The following DLG2 variants were observed in gnomAD, a reference collection of about 807,000 sequenced individuals.
DLG2 encodes disks large homolog 2.
In DLG2, 45 loss-of-function variants were observed where a neutral mutation model predicts 132.5. That is an observed-to-expected ratio of 0.34 (90% CI 0.27 to 0.44). The LOEUF (loss-of-function observed/expected upper bound fraction) is 0.44, where lower values mean the gene tolerates loss of function less well. DLG2 is among the 20% of genes least tolerant of loss of function. The probability of loss-of-function intolerance (pLI) is 1.00; values close to 1 mark genes in which losing one functional copy is unlikely to be tolerated. For synonymous variants in DLG2, 424 were observed against 419.6 expected (o/e 1.01, Z -0.13); for missense variants, 1,045 against 1,196.9 (o/e 0.87, Z 1.87).
chr11:85,324,122 T>C (rs2081274243), intron 3 of DLG2, among the ~76,000 whole-genome samples: 1 of 152,098 alleles, frequency 6.6e-6, no homozygotes, highest in Non-Finnish European at 1.5e-5. Flanking sequence ...GGTCACACAG[T>C]CTGAAATGAC....
chr11:85,372,120 T>C (rs566964133), intron 3 of DLG2, among the ~76,000 whole-genome samples: 73 of 152,336 alleles, frequency 4.8e-4, no homozygotes, highest in African/African-American at 1.8e-3. Context: ...CAGCTGTAGC[T>C]CCGAAAGAAC....
intron 6 of DLG2, among the ~76,000 whole-genome samples, chr11:84,998,815 TATC>T (rs2057936655): frequency 6.6e-6 from 1 of 152,096 alleles, no homozygotes; most frequent in African/African-American, 2.4e-5. Context: ...TGGCCTCAAG[TATC>T]ATGCCTATGA....
chr11:83,954,457 T>C (rs2086291886), intron 14 of DLG2, among the ~76,000 whole-genome samples: 1 of 152,212 alleles, frequency 6.6e-6, no homozygotes, highest in Admixed American at 6.5e-5. Context: ...CTCACTAGTT[T>C]TGTCTCACTC....
At position 84,644,561 on chromosome 11, in the gene DLG2, C is replaced by T. The variant is rs572342112; in HGVS notation, c.358-109830G>A. ...CTCTACTAAAAATACAAAAAATTAG[C>T]CGGGCGTGGTGGCGGGCACCTGTAA... On this transcript the variant is annotated intron_variant, in intron 6 of 27. Coordinates refer to ENST00000376104, the MANE Select transcript of DLG2 (RefSeq NM_001142699.3). 7.2e-5 allele frequency among the ~76,000 whole-genome samples: 11 copies of T among 152,010 alleles called. 1 individual carries two copies. The South Asian group carries it at 2.1e-3, about 29-fold the overall frequency.
intron 16 of DLG2, among the ~76,000 whole-genome samples, chr11:83,855,056 T>C (rs2060315909): frequency 6.6e-6 from 1 of 151,868 alleles, no homozygotes; most frequent in African/African-American, 2.4e-5. Context: ...AGATGACAAA[T>C]AAGCACATGA....
intron 16 of DLG2, among the ~76,000 whole-genome samples, chr11:83,862,650 T>G (rs1025462371): frequency 6.6e-6 from 1 of 151,966 alleles, no homozygotes; most frequent in Admixed American, 6.6e-5. Flanking sequence ...AGGTGATAGA[T>G]ACTCCCCCAC....
intron 6 of DLG2, among the ~76,000 whole-genome samples, chr11:84,636,848 T>G (rs2099641384): frequency 6.6e-6 from 1 of 152,080 alleles, no homozygotes; most frequent in Non-Finnish European, 1.5e-5. Context: ...GTGGCACGAT[T>G]TTGGCACACC....
intron 18 of DLG2, among the ~76,000 whole-genome samples, chr11:83,707,438 G>C (rs1269548070): frequency 3.3e-5 from 5 of 152,224 alleles, no homozygotes; most frequent in Non-Finnish European, 7.3e-5. Context: ...GGGAGGCCGA[G>C]GGGGGCAGAT....
chr11:83,674,765 T>C (rs535467588), intron 18 of DLG2, among the ~76,000 whole-genome samples: 9 of 152,330 alleles, frequency 5.9e-5, no homozygotes, highest in African/African-American at 2.2e-4. Flanking sequence ...TACTCATGCC[T>C]GGATGCAGGT....
At chr11:83,619,813 A>T (rs1293481343) in intron 19 of DLG2, among the ~76,000 whole-genome samples, 1 of 152,050 alleles carries the variant, frequency 6.6e-6, no homozygotes, top group Non-Finnish European at 1.5e-5. Context: ...ACTCATCTGG[A>T]TTTACAGCAA....
At chr11:84,547,336 CAT>C (rs1403763914) in intron 6 of DLG2, among the ~76,000 whole-genome samples, 2 of 152,180 alleles carry the variant, frequency 1.3e-5, no homozygotes, top group Admixed American at 6.5e-5. Flanking sequence ...CTCCATAACA[CAT>C]AGACAGTTTA....
chr11:85,103,723 G>C (rs1208976431), intron 6 of DLG2, among the ~76,000 whole-genome samples: 1 of 151,740 alleles, frequency 6.6e-6, no homozygotes, highest in African/African-American at 2.4e-5. Flanking sequence ...AGATAAATTA[G>C]ACTTTATCAA....
intron 6 of DLG2, among the ~76,000 whole-genome samples, chr11:84,591,449 T>C (rs2099543127): frequency 6.6e-6 from 1 of 151,768 alleles, no homozygotes; most frequent in Admixed American, 6.6e-5. Flanking sequence ...AGAGGATCAC[T>C]TGGGGTCAGG....
At chr11:83,582,852 AT>A (rs2097006568) in intron 19 of DLG2, among the ~76,000 whole-genome samples, 1 of 152,222 alleles carries the variant, frequency 6.6e-6, no homozygotes, top group Admixed American at 6.5e-5. Context: ...TAGCTTAGAG[AT>A]TGGCACAGAG....
chr11:83,645,346 T>G (rs1279709241), intron 18 of DLG2, among the ~76,000 whole-genome samples: 1 of 152,122 alleles, frequency 6.6e-6, no homozygotes, highest in Non-Finnish European at 1.5e-5. Context: ...AGATACATCT[T>G]TAACAGTTGA....
intron 6 of DLG2, among the ~76,000 whole-genome samples, chr11:84,565,233 C>T (rs183733050): frequency 4.4e-4 from 67 of 152,208 alleles, no homozygotes; most frequent in African/African-American, 1.6e-3. Flanking sequence ...GTCAGTACTG[C>T]GCACTCAAAT....
intron 8 of DLG2, among the ~76,000 whole-genome samples, chr11:84,184,227 T>C (rs1165028801): frequency 1.3e-5 from 2 of 152,172 alleles, no homozygotes; most frequent in African/African-American, 2.4e-5. Flanking sequence ...CCACGTCCTC[T>C]CCAGCACCTG....
At chr11:84,818,859 C>T (rs2077354666) in intron 6 of DLG2, among the ~76,000 whole-genome samples, 1 of 151,846 alleles carries the variant, frequency 6.6e-6, no homozygotes, top group Non-Finnish European at 1.5e-5. Flanking sequence ...AAATTCAGAA[C>T]TTTTTGATTG....
At chr11:83,601,510 CTT>C (rs71066054) in intron 19 of DLG2, among the ~76,000 whole-genome samples, 2 of 94,558 alleles carry the variant, frequency 2.1e-5, no homozygotes, top group African/African-American at 4.1e-5. Context: ...ATGTGATGTT[CTT>C]TTTTTTTTTT....
Sources: allele counts gnomAD v4.1 joint callset (sites outside exome capture counted in the v4.1 genomes callset), GRCh38; gene constraint gnomAD v4.1.1; transcripts MANE v1.5; gene names NCBI Gene and HGNC (gene_info 2026-07-23, HGNC 2026-07-21).